Variants in GABRB3 observed in about 807,000 individuals in gnomAD.
The protein encoded by GABRB3 is gamma-aminobutyric acid receptor subunit beta-3.
In GABRB3, 14 loss-of-function variants were observed where a neutral mutation model predicts 52.1. The observed-to-expected ratio is 0.27, with a 90% CI of 0.18 to 0.42. GABRB3 has a LOEUF of 0.42. Ranked by LOEUF, GABRB3 falls within the 10% of genes least tolerant of loss-of-function variation. The pLI, the probability that GABRB3 is intolerant of heterozygous loss-of-function variation, is 1.00. For missense variants in GABRB3, 307 were observed against 609.1 expected (o/e 0.50, Z 5.22); for synonymous variants, 260 against 232.3 (o/e 1.12, Z -1.08).
chr15:26,732,195 T>G (rs185365703), intron 3 of GABRB3, among the ~76,000 whole-genome samples: 7 of 151,064 alleles, frequency 4.6e-5, no homozygotes, highest in Admixed American at 4.6e-4. Flanking sequence ...AATGTATAGA[T>G]GGATGGGTGG....
intron 3 of GABRB3, among the ~76,000 whole-genome samples, chr15:26,669,610 C>G (rs1229961538): frequency 1.3e-5 from 2 of 151,996 alleles, no homozygotes; most frequent in Non-Finnish European, 2.9e-5. Flanking sequence ...CTCTGTCTCT[C>G]TCTCTCTCTC....
chr15:26,548,140 T>A lies in GABRB3; in HGVS notation c.1081-6A>T. The A allele has an allele frequency of 6.2e-7, 1 of 1,612,060 alleles. No individual in the cohort carries two copies. Among genetic ancestry groups the A allele is most frequent in the South Asian group, 1.1e-5 (1 of 91,052 alleles). ...ATATTTCCATGAGCATCCACCTAATTGGACGGAAAATGCACATGGTTAGAC... is the reference window on the plus strand; with the variant it reads ...ATATTTCCATGAGCATCCACCTAATAGGACGGAAAATGCACATGGTTAGAC... On this transcript the variant is annotated splice_region_variant and splice_polypyrimidine_tract_variant and intron_variant, in intron 8 of 8. Coordinates refer to ENST00000311550, the MANE Select transcript of GABRB3 (RefSeq NM_000814.6).
chr15:26,628,942 T>C, intron 3 of GABRB3: 1 of 1,533,908 alleles, frequency 6.5e-7, no homozygotes. Flanking sequence ...CTCCACTCCT[T>C]GTGACTGCCG....
chr15:26,593,010 C>T (rs530230967), intron 4 of GABRB3, among the ~76,000 whole-genome samples: 83 of 151,914 alleles, frequency 5.5e-4, no homozygotes, highest in Non-Finnish European at 7.9e-4. Flanking sequence ...GTGAGACTCC[C>T]GTCAAAAAAG....
At chr15:26,632,641 T>C (rs1892942552) in intron 3 of GABRB3, among the ~76,000 whole-genome samples, 1 of 152,146 alleles carries the variant, frequency 6.6e-6, no homozygotes. Context: ...TGCCCTTCAC[T>C]AAATAAACTG....
At chr15:26,635,356 C>T (rs956447926) in intron 3 of GABRB3, among the ~76,000 whole-genome samples, 1 of 152,070 alleles carries the variant, frequency 6.6e-6, no homozygotes, top group South Asian at 2.1e-4. Context: ...CCTGCTTAAA[C>T]ATAGCTCCTG....
intron 4 of GABRB3, chr15:26,615,823 T>A: frequency 8.4e-7 from 1 of 1,191,530 alleles, no homozygotes; most frequent in South Asian, 1.5e-5. Flanking sequence ...CCAATCTCAG[T>A]GTCCAGGGGT....
intron 4 of GABRB3, among the ~76,000 whole-genome samples, chr15:26,592,802 C>A (rs975606394): frequency 2.6e-5 from 4 of 152,142 alleles, no homozygotes; most frequent in Non-Finnish European, 1.5e-5. Flanking sequence ...ATCACAAGGT[C>A]AGGAGTTTGA....
chr15:26,562,975 T>C (rs1890043983), intron 7 of GABRB3, among the ~76,000 whole-genome samples: 2 of 152,194 alleles, frequency 1.3e-5, no homozygotes, highest in South Asian at 2.1e-4. Flanking sequence ...AAAATGGCAA[T>C]GGGATAATTA....
chr15:26,594,106 T>C (rs527550542), intron 4 of GABRB3, among the ~76,000 whole-genome samples: 11 of 150,528 alleles, frequency 7.3e-5, no homozygotes, highest in Middle Eastern at 3.4e-3. Flanking sequence ...AGGATGGCTA[T>C]TGTCTTTTTT....
At chr15:26,741,055 T>A (rs758492889) in intron 3 of GABRB3, among the ~76,000 whole-genome samples, 13,502 of 67,402 alleles carry the variant, frequency 0.2, 700 homozygotes, top group Middle Eastern at 0.36. Context: ...AGTGTGTGTG[T>A]GTGTGTGTGT....
chr15:26,568,216 T>G (rs1346437412), intron 6 of GABRB3, among the ~76,000 whole-genome samples: 1 of 152,042 alleles, frequency 6.6e-6, no homozygotes, highest in African/African-American at 2.4e-5. Context: ...AGGGGCACCC[T>G]AAGAATGAGA....
At chr15:26,565,339 C>T (rs981664219) in intron 7 of GABRB3, among the ~76,000 whole-genome samples, 1 of 152,184 alleles carries the variant, frequency 6.6e-6, no homozygotes, top group African/African-American at 2.4e-5. Flanking sequence ...ACTCTGAGAG[C>T]TGGATCTGTT....
chr15:26,698,449 A>G (rs898175530), intron 3 of GABRB3, among the ~76,000 whole-genome samples: 232 of 152,200 alleles, frequency 1.5e-3, no homozygotes, highest in Non-Finnish European at 2.5e-4. Context: ...AATCACAATT[A>G]TATACACATT....
At chr15:26,576,826 A>T (rs376584122) in intron 6 of GABRB3, among the ~76,000 whole-genome samples, 3 of 152,088 alleles carry the variant, frequency 2.0e-5, no homozygotes, top group African/African-American at 7.2e-5. Context: ...ACTTACACGG[A>T]AAGTTTTGCT....
chr15:26,624,894 G>T, intron 3 of GABRB3: 1 of 985,512 alleles, frequency 1.0e-6, no homozygotes, highest in Non-Finnish European at 1.2e-6. Flanking sequence ...GACGTGCAGT[G>T]GTGAGCACTG....
intron 3 of GABRB3, among the ~76,000 whole-genome samples, chr15:26,696,013 A>G (rs1444199491): frequency 6.6e-6 from 1 of 152,266 alleles, no homozygotes; most frequent in Non-Finnish European, 1.5e-5. Flanking sequence ...ATGGGGAACC[A>G]TGAAACAATA....
At chr15:26,732,339 C>T (rs1030185763) in intron 3 of GABRB3, among the ~76,000 whole-genome samples, 5 of 140,276 alleles carry the variant, frequency 3.6e-5, no homozygotes, top group Admixed American at 7.0e-5. Context: ...GATGGATGGA[C>T]GGACAGATGA....
chr15:26,633,894 C>T (rs1048605735), intron 3 of GABRB3, among the ~76,000 whole-genome samples: 2 of 152,208 alleles, frequency 1.3e-5, no homozygotes, highest in Admixed American at 6.5e-5. Context: ...GAACTTTGAG[C>T]GTTAGCCGTC....
Sources: gnomAD v4.1 joint callset for allele counts (sites outside exome capture counted in the v4.1 genomes callset) on GRCh38, gnomAD v4.1.1 for gene constraint, MANE v1.5 for transcripts, NCBI Gene and HGNC (gene_info 2026-07-23, HGNC 2026-07-21) for gene names.